MYL12B: variants seen among roughly 807,000 people sequenced by gnomAD.
MYL12B encodes myosin regulatory light chain 12B.
In MYL12B, 3 loss-of-function variants were observed where a neutral mutation model predicts 12.9. The ratio of observed to expected loss-of-function variants is 0.23; its 90% CI spans 0.11 to 0.60. The LOEUF (loss-of-function observed/expected upper bound fraction) is 0.60, where lower values mean the gene tolerates loss of function less well. Ranked by LOEUF, MYL12B falls within the 20% of genes least tolerant of loss-of-function variation. The pLI, the probability that MYL12B is intolerant of heterozygous loss-of-function variation, is 0.89. For synonymous variants in MYL12B, 57 were observed against 71.9 expected (o/e 0.79, Z 1.05); for missense variants, 120 against 215.4 (o/e 0.56, Z 2.77).
intron 1 of MYL12B, chr18:3,263,009 A>T (rs1426652812): frequency 6.6e-6 from 1 of 152,238 alleles, no homozygotes; most frequent in Non-Finnish European, 1.5e-5. Flanking sequence ...TTCCGGCTAG[A>T]TGTGTGGGAG....
rs368473981 is a variant in MYL12B at position 3,277,849 on chromosome 18, G to A, written c.431G>A (p.Arg144Lys). Reference protein sequence around the residue: ...FTDEEVDELYREAPIDKKGNF... With the variant: ...FTDEEVDELYKEAPIDKKGNF... ...GATGAGGAAGTGGATGAGCTGTACA[G>A]AGAAGCACCTATTGACAAAAAGGGG... Residue 144 changes from arginine (R) to lysine (K), a missense_variant, in exon 4 of 4, where the codon AGA (arginine) becomes AAA (lysine). Physicochemically the swap from Arg to Lys is conservative, Grantham distance 26 (BLOSUM62 2). Transcript: ENST00000237500. 6 of 1,614,110 alleles carry A rather than the reference G, an allele frequency of 3.7e-6. No homozygotes were observed. The highest frequency in any genetic ancestry group is 5.1e-6 in the Non-Finnish European group (6 of 1,180,000).
chr18:3,277,705 T>C lies in MYL12B; in HGVS notation c.347-60T>C, dbSNP rs766744087. 5.8e-6 allele frequency: 9 copies of C among 1,546,164 alleles called. No individual in the cohort carries two copies. The Admixed American group carries it at 1.5e-4, about 26-fold the overall frequency. On this transcript the variant is annotated intron_variant, in intron 3 of 3. Coordinates refer to ENST00000237500, the MANE Select transcript of MYL12B (RefSeq NM_033546.4). ...TTATACGATTGACAAGCTTTAGGAA[T>C]GAACCATCAAAGTGCCAGGAAGTAT...
chr18:3,272,213 C>A (rs2081684954), intron 1 of MYL12B: 1 of 659,388 alleles, frequency 1.5e-6, no homozygotes, highest in Non-Finnish European at 1.7e-6. Context: ...TCAATTAGTT[C>A]TTTGCATTGA....
At chr18:3,271,614 G>A (rs2081679811) in intron 1 of MYL12B, among the ~76,000 whole-genome samples, 1 of 152,100 alleles carries the variant, frequency 6.6e-6, no homozygotes, top group African/African-American at 2.4e-5. Context: ...GACCACCCTT[G>A]CGTTTGATTA....
chr18:3,277,622 C>A, intron 3 of MYL12B, 143 bp from the exon 4 acceptor site: 1 of 1,252,804 alleles, frequency 8.0e-7, no homozygotes, highest in Non-Finnish European at 1.1e-6. Context: ...TGATATAGTT[C>A]ATATAGCCTT....
intron 1 of MYL12B, among the ~76,000 whole-genome samples, chr18:3,263,967 A>G (rs894566493): frequency 1.3e-5 from 2 of 152,230 alleles, no homozygotes; most frequent in African/African-American, 4.8e-5. Flanking sequence ...GAAGAGGATG[A>G]TAACAATACC....
chr18:3,268,795 A>G (rs1485488854), intron 1 of MYL12B, among the ~76,000 whole-genome samples: 1 of 152,228 alleles, frequency 6.6e-6, no homozygotes, highest in East Asian at 1.9e-4. Context: ...ATGGGATTTG[A>G]ATCCTAGCTC....
At chr18:3,262,782 C>G (rs539278954) in intron 1 of MYL12B, 8 of 152,428 alleles carry the variant, frequency 5.2e-5, no homozygotes, top group African/African-American at 1.9e-4. Flanking sequence ...AAGCCATTAG[C>G]ATGCCGGTAA....
chr18:3,271,177 A>G (rs2081676063), intron 1 of MYL12B, among the ~76,000 whole-genome samples: 1 of 152,242 alleles, frequency 6.6e-6, no homozygotes, highest in Non-Finnish European at 1.5e-5. Context: ...GAATGAAAAC[A>G]TAATCAAATG....
At chr18:3,270,118 T>G (rs1277201079) in intron 1 of MYL12B, among the ~76,000 whole-genome samples, 1 of 152,080 alleles carries the variant, frequency 6.6e-6, no homozygotes, top group Admixed American at 6.5e-5. Context: ...GGTTGAAAAG[T>G]GAGTGGGAAG....
chr18:3,272,002 C>A, intron 1 of MYL12B: 2 of 934,914 alleles, frequency 2.1e-6, no homozygotes, highest in Non-Finnish European at 2.5e-6. Context: ...TCAGACTGGG[C>A]AATATAGTGA....
At position 3,262,201 on chromosome 18, in the gene MYL12B, C is replaced by A. The variant is rs570615609; in HGVS notation, c.-52C>A. On this transcript the variant is annotated 5_prime_UTR_variant, in exon 1 of 4. Transcript: ENST00000237500. ...CGCTCTTCGCTGTCGTTTGTGGTCT[C>A]GCGCAGGGCGGCCCCGGTTCTGGTG... is the stretch of plus-strand genomic sequence containing the variant. 1 of 152,234 alleles carries A rather than the reference C, an allele frequency of 6.6e-6. No homozygotes were observed. Among genetic ancestry groups the A allele is most frequent in the Non-Finnish European group, 1.5e-5 (1 of 68,076 alleles). The allele number at this position is 152,234 out of a possible 1,614,324, so 9.4% of individuals were successfully genotyped here.
chr18:3,272,788 A>G, intron 1 of MYL12B, 96 bp from the exon 2 acceptor site: 1 of 1,126,736 alleles, frequency 8.9e-7, no homozygotes, highest in Non-Finnish European at 1.2e-6. Context: ...CCTTATTGAT[A>G]TTTTTACCTA....
chr18:3,265,858 A>G (rs2081630556), intron 1 of MYL12B, among the ~76,000 whole-genome samples: 1 of 152,138 alleles, frequency 6.6e-6, no homozygotes, highest in Non-Finnish European at 1.5e-5. Flanking sequence ...TGACTCGTGC[A>G]GTAAAGAGAA....
intron 1 of MYL12B, 179 bp downstream of exon 1, chr18:3,262,416 CGGCGGGAGGAGGGTTGG>C (rs58506671): frequency 0.57 from 85,988 of 151,076 alleles, 26,940 homozygotes; most frequent in Non-Finnish European, 0.7. Flanking sequence ...GGAGGGTTGG[CGGCGGGAGGAGGGTTGG>C]TGGCGAGGCC....
Position 3,267,454 on chromosome 18 carries a change from C to T in MYL12B, c.-16+5217C>T, listed in dbSNP as rs549697339. Among the ~76,000 whole-genome samples the T allele has an allele frequency of 8.7e-4, 132 of 152,292 alleles. 3 individuals carry two copies. The South Asian group carries it at 0.027, about 31-fold the overall frequency. ...CCATGTTTCTGTTTGCATATCAGTA[C>T]TGCAGGTGACTTTACAAACATTTTT... On this transcript the variant is annotated intron_variant, in intron 1 of 3. Transcript: ENST00000237500.
intron 1 of MYL12B, among the ~76,000 whole-genome samples, chr18:3,270,317 TGAA>T (rs1309462377): frequency 5.3e-5 from 8 of 152,318 alleles, no homozygotes; most frequent in African/African-American, 1.9e-4. Flanking sequence ...TGTTTTTAAA[TGAA>T]GTATGAAAAA....
At chr18:3,270,290 G>A (rs1413090988) in intron 1 of MYL12B, among the ~76,000 whole-genome samples, 2 of 152,048 alleles carry the variant, frequency 1.3e-5, no homozygotes, top group African/African-American at 2.4e-5. Context: ...TACCATATAC[G>A]TATACAAATG....
chr18:3,264,525 G>A (rs1370573387), intron 1 of MYL12B, among the ~76,000 whole-genome samples: 3 of 152,098 alleles, frequency 2.0e-5, no homozygotes, highest in Non-Finnish European at 2.9e-5. Flanking sequence ...GCAACATAGC[G>A]AGACCCTGTC....
Sources: gnomAD v4.1 joint callset for allele counts (sites outside exome capture counted in the v4.1 genomes callset) on GRCh38, gnomAD v4.1.1 for gene constraint, MANE v1.5 for transcripts, NCBI Gene and HGNC (gene_info 2026-07-23, HGNC 2026-07-21) for gene names.